The following BACE2 variants were observed in gnomAD, a reference collection of about 807,000 sequenced individuals.
BACE2 encodes 56 kDa aspartic-like protease.
Under a neutral mutation model 46.2 loss-of-function variants are expected in BACE2, and 17 were observed. That is an observed-to-expected ratio of 0.37 (90% CI 0.25 to 0.55). BACE2 has a LOEUF of 0.55. Among genes scored for constraint, BACE2 ranks in the 20% least tolerant of loss-of-function variants. The pLI, the probability that BACE2 is intolerant of heterozygous loss-of-function variation, is 0.82. For missense variants in BACE2, 595 were observed against 698.1 expected, an observed-to-expected ratio of 0.85 and a Z score of 1.66; for synonymous variants, 277 against 295.9, an observed-to-expected ratio of 0.94 and a Z score of 0.66.
At chr21:41,239,431 G>A (rs1160461395) in intron 3 of BACE2, among the ~76,000 whole-genome samples, 2 of 152,056 alleles carry the variant, frequency 1.3e-5, no homozygotes, top group Non-Finnish European at 2.9e-5. Flanking sequence ...AGGCTGGAGT[G>A]CAGCAGTGTA....
chr21:41,170,927 A>G (rs1984586332), intron 1 of BACE2, among the ~76,000 whole-genome samples: 1 of 152,142 alleles, frequency 6.6e-6, no homozygotes, highest in South Asian at 2.1e-4. Context: ...GGGGTCTTAT[A>G]CGCATTTGGG....
At chr21:41,228,623 C>T (rs1190896252) in intron 2 of BACE2, among the ~76,000 whole-genome samples, 2 of 152,128 alleles carry the variant, frequency 1.3e-5, no homozygotes, top group Admixed American at 1.3e-4. Context: ...CTCCCTGGAG[C>T]TAACAGAGTG....
At chr21:41,238,954 T>A (rs1175049414) in intron 3 of BACE2, among the ~76,000 whole-genome samples, 2 of 85,688 alleles carry the variant, frequency 2.3e-5, no homozygotes, top group African/African-American at 4.6e-5. Context: ...AAAGTATAAT[T>A]AAAAAAAAAA....
intron 2 of BACE2, among the ~76,000 whole-genome samples, chr21:41,233,691 T>A (rs1199020163): frequency 6.6e-6 from 1 of 152,224 alleles, no homozygotes; most frequent in Non-Finnish European, 1.5e-5. Flanking sequence ...CTGGGCAAGG[T>A]GGCTCACGCC....
chr21:41,238,210 G>A (rs1987181305), intron 3 of BACE2, among the ~76,000 whole-genome samples: 1 of 152,246 alleles, frequency 6.6e-6, no homozygotes, highest in African/African-American at 2.4e-5. Flanking sequence ...ACCCAGCATG[G>A]GAATATGGGC....
At chr21:41,234,148 G>C (rs200549890) in intron 2 of BACE2, among the ~76,000 whole-genome samples, 1 of 152,062 alleles carries the variant, frequency 6.6e-6, no homozygotes, top group Admixed American at 6.6e-5. Context: ...TAAGTTTTAC[G>C]AGATCTGATG....
chr21:41,240,227 G>A (rs77963408), intron 3 of BACE2, among the ~76,000 whole-genome samples: 17,502 of 152,154 alleles, frequency 0.12, 1,136 homozygotes, highest in Non-Finnish European at 0.15. Flanking sequence ...TTGTGTGGTG[G>A]CCCCTGGTCC....
rs552476952 is a variant in BACE2, at chr21:41,221,020, C to T, written c.313-5246C>T. Among the ~76,000 whole-genome samples the T allele has an allele frequency of 2.3e-4, 33 of 145,418 alleles. 1 individual carries two copies. The South Asian group carries it at 7.2e-3, about 32-fold the overall frequency. On this transcript the variant is annotated intron_variant, in intron 1 of 8. Transcript: ENST00000330333. ...GACCAGCCTGGGCAACACAGTGAGACCCCATCTCAAAAAAAAAGTATATTA... is the reference window on the plus strand; with the variant it reads ...GACCAGCCTGGGCAACACAGTGAGATCCCATCTCAAAAAAAAAGTATATTA...
intron 1 of BACE2, among the ~76,000 whole-genome samples, chr21:41,195,165 C>T (rs898289482): frequency 6.6e-6 from 1 of 152,246 alleles, no homozygotes; most frequent in Non-Finnish European, 1.5e-5. Context: ...TTTCCTGAGG[C>T]TGTTTTCACA....
At chr21:41,271,950 G>A (rs1264792218) in intron 8 of BACE2, among the ~76,000 whole-genome samples, 1 of 152,004 alleles carries the variant, frequency 6.6e-6, no homozygotes, top group Non-Finnish European at 1.5e-5. Flanking sequence ...GTAGATTCAA[G>A]TTTCCTTCTG....
At chr21:41,223,353 C>CAA (rs112376990) in intron 1 of BACE2, among the ~76,000 whole-genome samples, 7 of 127,420 alleles carry the variant, frequency 5.5e-5, no homozygotes, top group Non-Finnish European at 8.6e-5. Context: ...GAGACACTGT[C>CAA]AAAAAAAAAA....
intron 6 of BACE2, among the ~76,000 whole-genome samples, chr21:41,247,408 G>A (rs561419694): frequency 6.6e-6 from 1 of 152,376 alleles, no homozygotes; most frequent in Non-Finnish European, 1.5e-5. Flanking sequence ...ATCAGAGAAA[G>A]TGGCAGGCAA....
intron 1 of BACE2, among the ~76,000 whole-genome samples, chr21:41,203,611 A>G (rs934240148): frequency 1.3e-5 from 2 of 152,148 alleles, no homozygotes; most frequent in Non-Finnish European, 2.9e-5. Context: ...GCAGCTGATC[A>G]TGCCTCTGGG....
chr21:41,224,279 A>G (rs1194463496), intron 1 of BACE2, among the ~76,000 whole-genome samples: 1 of 126,448 alleles, frequency 7.9e-6, no homozygotes, highest in African/African-American at 3.3e-5. Context: ...CAGTGGTGCG[A>G]TCTCGGCTCA....
At chr21:41,263,106 G>T (rs1987980991) in intron 8 of BACE2, among the ~76,000 whole-genome samples, 1 of 152,184 alleles carries the variant, frequency 6.6e-6, no homozygotes, top group South Asian at 2.1e-4. Context: ...GCATAGGATA[G>T]GTTTGTGGAA....
chr21:41,264,888 G>A (rs1169552024), intron 8 of BACE2, among the ~76,000 whole-genome samples: 1 of 152,142 alleles, frequency 6.6e-6, no homozygotes, highest in East Asian at 1.9e-4. Context: ...AGAGGCTGAG[G>A]CAGGAAGATC....
intron 2 of BACE2, among the ~76,000 whole-genome samples, chr21:41,226,865 A>T (rs184770251): frequency 1.3e-5 from 2 of 152,196 alleles, no homozygotes; most frequent in African/African-American, 2.4e-5. Flanking sequence ...TGCAACACTC[A>T]TTTGGAAGAG....
rs774863238 is a variant in BACE2 at position 41,275,492 on chromosome 21, C to G, written c.1425C>G (p.Leu475=). The change falls in exon 9 of 9, where the codon CTC becomes CTG. Residue 475 remains leucine (L), a synonymous_variant. Coordinates refer to ENST00000330333, the MANE Select transcript of BACE2 (RefSeq NM_012105.5). ...EPILWIVSYA[L]MSVCGAILLV... ...TTTTGTGGATTGTGTCCTATGCGCT[C>G]ATGAGCGTCTGTGGAGCCATCCTCC... The G allele has an allele frequency of 6.2e-7, 1 of 1,614,122 alleles. No homozygotes were observed. The highest frequency in any genetic ancestry group is 1.1e-5 in the South Asian group (1 of 91,066).
chr21:41,250,737 T>G lies in BACE2; in HGVS notation c.985-15T>G. ...AGACTAGTCATGGTTTCTGATGTGA[T>G]CTTGTTTTGTCTAGATTCCAGAATT... On this transcript the variant is annotated splice_polypyrimidine_tract_variant and intron_variant, in intron 6 of 8. Coordinates refer to ENST00000330333, the MANE Select transcript of BACE2 (RefSeq NM_012105.5). 6.2e-7 allele frequency: 1 copy of G among 1,613,744 alleles called. No homozygotes were observed. Among genetic ancestry groups the G allele is most frequent in the Non-Finnish European group, 8.5e-7 (1 of 1,179,804 alleles).
Sources: gnomAD v4.1 joint callset for allele counts (sites outside exome capture counted in the v4.1 genomes callset) on GRCh38, gnomAD v4.1.1 for gene constraint, MANE v1.5 for transcripts, NCBI Gene and HGNC (gene_info 2026-07-23, HGNC 2026-07-21) for gene names.